Variants in PRELID2 observed in about 807,000 individuals in gnomAD.
PRELID2 encodes the protein PRELI domain-containing protein 2.
A neutral mutation model predicts 28.4 loss-of-function variants in PRELID2; 25 were observed. The observed-to-expected ratio is 0.88, with a 90% CI of 0.64 to 1.23. PRELID2 has a LOEUF of 1.23. Ranked by LOEUF, PRELID2 falls within the 50% of genes most tolerant of loss-of-function variation. The pLI is 0.00. For missense variants in PRELID2, 201 were observed against 214.4 expected (o/e 0.94, Z 0.39); for synonymous variants, 76 against 71.6 (o/e 1.06, Z -0.31).
At chr5:145,472,499 G>T in intron 2 of PRELID2, among the ~76,000 whole-genome samples, 1 of 152,114 alleles carries the variant, frequency 6.6e-6, no homozygotes, top group East Asian at 1.9e-4. Context: ...CATTAAAGAT[G>T]AATACAGGAG....
At chr5:145,675,759 T>G (rs1050802593) in intron 1 of PRELID2, among the ~76,000 whole-genome samples, 35 of 152,210 alleles carry the variant, frequency 2.3e-4, no homozygotes, top group African/African-American at 8.0e-4. Flanking sequence ...GACAAATATG[T>G]TATTATCTGG....
chr5:145,732,826 G>A (rs1031497951), intron 1 of PRELID2, among the ~76,000 whole-genome samples: 7 of 152,138 alleles, frequency 4.6e-5, no homozygotes, highest in African/African-American at 1.7e-4. Context: ...TAGCACAGGG[G>A]TAGGAGTGGA....
At chr5:145,421,147 G>C in the PRELID2 span, among the ~76,000 whole-genome samples, 2 of 151,804 alleles carry the variant, frequency 1.3e-5, no homozygotes, top group Admixed American at 6.6e-5. Flanking sequence ...GTATTTTATT[G>C]AGGATTTTTG....
intron 1 of PRELID2, among the ~76,000 whole-genome samples, chr5:145,672,236 AGTGAAAAGG>A (rs1754721919): frequency 6.6e-6 from 1 of 152,166 alleles, no homozygotes; most frequent in Non-Finnish European, 1.5e-5. Context: ...AGGGGGAAAT[AGTGAAAAGG>A]GTCATATCAG....
At chr5:145,368,404 A>C in the PRELID2 span, among the ~76,000 whole-genome samples, 2 of 151,916 alleles carry the variant, frequency 1.3e-5, no homozygotes, top group South Asian at 4.1e-4. Context: ...GGCATCTTCG[A>C]GACACCTCAA....
the PRELID2 span, among the ~76,000 whole-genome samples, chr5:145,326,984 ACGCC>A: frequency 2.6e-4 from 5 of 18,920 alleles, no homozygotes; most frequent in East Asian, 0.01. Flanking sequence ...ACAGTCACAA[ACGCC>A]TCCCAAAAGA....
chr5:145,542,384 T>C (rs908878906), intron 1 of PRELID2, among the ~76,000 whole-genome samples: 1 of 152,144 alleles, frequency 6.6e-6, no homozygotes, highest in Admixed American at 6.6e-5. Context: ...AGATGGAGTT[T>C]ATGTTTTTCA....
chr5:145,724,489 G>C (rs1756075113), intron 1 of PRELID2, among the ~76,000 whole-genome samples: 1 of 149,852 alleles, frequency 6.7e-6, no homozygotes, highest in Admixed American at 6.7e-5. Context: ...ATAGATAATG[G>C]ATTAGATAAT....
Position 145,758,350 on chromosome 5 carries a change from T to C in PRELID2, c.*2186A>G, listed in dbSNP as rs191820959. Among the ~76,000 whole-genome samples, 1 of 152,140 alleles carries C rather than the reference T, an allele frequency of 6.6e-6. No individual in the cohort carries two copies. The highest frequency in any genetic ancestry group is 2.4e-5 in the African/African-American group (1 of 41,504). ...AGATCCTTTCCAACCACAGAGATAT[T>C]AAGAAAAAAATTAAATATTGTCTGC... On this transcript the variant is annotated 3_prime_UTR_variant, in exon 7 of 7. Transcript: ENST00000683046.
At chr5:145,363,116 GAA>G in the PRELID2 span, among the ~76,000 whole-genome samples, 1,975 of 84,110 alleles carry the variant, frequency 0.023, 49 homozygotes, top group African/African-American at 0.072. Flanking sequence ...ATGGCTATAA[GAA>G]AAAAAAAAAA....
the PRELID2 span, among the ~76,000 whole-genome samples, chr5:145,392,222 T>C: frequency 2.6e-5 from 4 of 152,152 alleles, no homozygotes; most frequent in African/African-American, 7.2e-5. Context: ...GTTTAATTGA[T>C]TCACAGTTCA....
chr5:145,367,213 A>G, the PRELID2 span, among the ~76,000 whole-genome samples: 2 of 151,876 alleles, frequency 1.3e-5, no homozygotes, highest in Non-Finnish European at 1.5e-5. Context: ...CACTCTATAT[A>G]AAGTTTCACA....
chr5:145,234,502 G>C, the PRELID2 span, among the ~76,000 whole-genome samples: 1 of 151,988 alleles, frequency 6.6e-6, no homozygotes, highest in East Asian at 1.9e-4. Context: ...GAAAGGAGAA[G>C]CCCAGAGCGG....
chr5:145,289,211 ACAT>A, the PRELID2 span, among the ~76,000 whole-genome samples: 2 of 152,174 alleles, frequency 1.3e-5, no homozygotes, highest in Admixed American at 1.3e-4. Context: ...CAATTGCATA[ACAT>A]CATATATCTA....
chr5:145,257,011 T>C, the PRELID2 span, among the ~76,000 whole-genome samples: 1 of 151,802 alleles, frequency 6.6e-6, no homozygotes, highest in East Asian at 1.9e-4. Context: ...TGAAGGAAAA[T>C]AATCACATAG....
chr5:145,671,033 T>G (rs907506556), intron 1 of PRELID2, among the ~76,000 whole-genome samples: 1 of 152,144 alleles, frequency 6.6e-6, no homozygotes, highest in African/African-American at 2.4e-5. Flanking sequence ...TTTCACAAGA[T>G]TTTCATAGGT....
intron 1 of PRELID2, among the ~76,000 whole-genome samples, chr5:145,618,916 G>A (rs948801145): frequency 3.3e-5 from 5 of 152,082 alleles, no homozygotes; most frequent in Admixed American, 6.5e-5. Flanking sequence ...TACCTAGGAG[G>A]ATTACGGCCA....
At chr5:145,833,004 A>T (rs1755705182) in intron 1 of PRELID2, among the ~76,000 whole-genome samples, 1 of 79,168 alleles carries the variant, frequency 1.3e-5, no homozygotes, top group South Asian at 3.6e-4. Context: ...CGCATCATTT[A>T]TTTATGTTAA....
At chr5:145,587,584 C>A (rs1753171260) in intron 1 of PRELID2, among the ~76,000 whole-genome samples, 1 of 152,098 alleles carries the variant, frequency 6.6e-6, no homozygotes, top group Non-Finnish European at 1.5e-5. Context: ...TACATAGGAG[C>A]ATAAATAGTA....
Sources: gnomAD v4.1 joint callset for allele counts (sites outside exome capture counted in the v4.1 genomes callset) on GRCh38, gnomAD v4.1.1 for gene constraint, MANE v1.5 for transcripts, NCBI Gene and HGNC (gene_info 2026-07-23, HGNC 2026-07-21) for gene names.